Variants in SLIT3 observed in about 807,000 individuals in gnomAD.
SLIT3 encodes slit guidance ligand 3.
SLIT3 carries 68 observed loss-of-function variants against 184.0 expected under a neutral mutation model. That is an observed-to-expected ratio of 0.37 (90% CI 0.30 to 0.45). The LOEUF is 0.45. SLIT3 is among the 20% of genes least tolerant of loss of function. The pLI is 1.00. For synonymous variants in SLIT3, 831 were observed against 828.6 expected, an observed-to-expected ratio of 1.00 and a Z score of -0.05; for missense variants, 1,707 against 2,026.0, an observed-to-expected ratio of 0.84 and a Z score of 3.02.
chr5:169,294,278 A>G (rs915241194), intron 1 of SLIT3, among the ~76,000 whole-genome samples: 3 of 150,122 alleles, frequency 2.0e-5, no homozygotes, highest in Non-Finnish European at 4.4e-5. Flanking sequence ...AAAAAAAGTC[A>G]GGGCCAAAAA....
At position 168,665,056 on chromosome 5, in the gene SLIT3, T is replaced by G. The variant is rs1760992032; in HGVS notation, c.*1398A>C. The G allele has an allele frequency of 6.6e-6, 1 of 152,270 alleles. No individual in the cohort carries two copies. The highest frequency in any genetic ancestry group is 2.1e-4 in the South Asian group (1 of 4,838). 9.4% of individuals were successfully genotyped at this position (152,270 alleles called of 1,614,324 possible). A position where few individuals can be genotyped will look rare whatever the true frequency, so the allele number is the denominator to read the frequency against. ...ATGGATTTAAGCCGCCTGAATCACC[T>G]GTGCTCACCCATTCTAGAGGAAGAA... On this transcript the variant is annotated 3_prime_UTR_variant, in exon 36 of 36. Transcript: ENST00000519560.
In SLIT3 at chr5:168,670,211, G is replaced by A. The variant is rs973667884; in HGVS notation, c.4128-220C>T. 3.9e-5 allele frequency among the ~76,000 whole-genome samples: 6 copies of A among 152,242 alleles called. No homozygotes were observed. The East Asian group carries it at 1.2e-3, about 29-fold the overall frequency. On this transcript the variant is annotated intron_variant, in intron 34 of 35. Transcript: ENST00000519560. ...TGTCACCCAGTGTCCACTGTGAGCT[G>A]TGACCACAGCAGAGGCTGGCTTGCT...
chr5:169,132,168 C>T (rs924370422), intron 4 of SLIT3, among the ~76,000 whole-genome samples: 9 of 151,896 alleles, frequency 5.9e-5, no homozygotes, highest in Non-Finnish European at 1.2e-4. Flanking sequence ...TGGACGATAA[C>T]GGGGTAAAGA....
chr5:169,227,707 C>T (rs1350692765), intron 3 of SLIT3, among the ~76,000 whole-genome samples: 3 of 152,188 alleles, frequency 2.0e-5, no homozygotes, highest in African/African-American at 4.8e-5. Context: ...ATTACAAGCA[C>T]GTGCCACCGC....
chr5:169,053,243 A>T (rs947771958), intron 4 of SLIT3, among the ~76,000 whole-genome samples: 6 of 152,244 alleles, frequency 3.9e-5, no homozygotes, highest in African/African-American at 1.4e-4. Context: ...TGAGGCTGGG[A>T]AAACAGGTTT....
At chr5:169,029,215 T>C (rs1028894932) in intron 4 of SLIT3, among the ~76,000 whole-genome samples, 4 of 152,202 alleles carry the variant, frequency 2.6e-5, no homozygotes, top group Non-Finnish European at 4.4e-5. Context: ...AAACAGTAGG[T>C]ATTTGTTGAA....
chr5:168,781,447 A>G (rs1367716390), intron 12 of SLIT3, among the ~76,000 whole-genome samples: 2 of 152,130 alleles, frequency 1.3e-5, no homozygotes, highest in East Asian at 1.9e-4. Flanking sequence ...AGTCTACCCA[A>G]TGGCTTTCCA....
intron 3 of SLIT3, among the ~76,000 whole-genome samples, chr5:169,193,989 T>C (rs970483436): frequency 6.6e-6 from 1 of 151,906 alleles, no homozygotes; most frequent in Non-Finnish European, 1.5e-5. Flanking sequence ...ATCCCAGTAC[T>C]TTGAGAGGCT....
chr5:168,728,277 C>CATAT (rs3061738), intron 20 of SLIT3, among the ~76,000 whole-genome samples: 4,981 of 140,912 alleles, frequency 0.035, 100 homozygotes, highest in East Asian at 0.054. Context: ...TAATCAACAA[C>CATAT]ATATATATAT....
Position 168,785,918 on chromosome 5 carries a change from G to T in SLIT3, c.1140C>A (p.Ser380=). 1 of 1,612,070 alleles carries T rather than the reference G, an allele frequency of 6.2e-7. No homozygotes were observed. Among genetic ancestry groups the T allele is most frequent in the Non-Finnish European group, 8.5e-7 (1 of 1,178,466 alleles). ...AAGTTCCTACTCACAGCAGCTGTAG[G>T]GACACCAGCCCATCAAACAGTCCCT... ...IVKGLFDGLV[S]LQLLLLNANK... The change falls in exon 12 of 36, where the codon TCC becomes TCA. Residue 380 remains serine, a synonymous_variant. Coordinates refer to ENST00000519560, the MANE Select transcript of SLIT3 (RefSeq NM_003062.4).
At chr5:169,045,273 G>A (rs1757588299) in intron 4 of SLIT3, among the ~76,000 whole-genome samples, 1 of 152,030 alleles carries the variant, frequency 6.6e-6, no homozygotes, top group Admixed American at 6.6e-5. Context: ...AACCCTAAAC[G>A]TGCAACTTGG....
intron 4 of SLIT3, among the ~76,000 whole-genome samples, chr5:169,061,049 T>A (rs1002029200): frequency 6.6e-6 from 1 of 152,184 alleles, no homozygotes; most frequent in Non-Finnish European, 1.5e-5. Flanking sequence ...TTGCAAAGCA[T>A]GAATATAAAT....
Position 168,747,797 on chromosome 5 carries a change from G to T in SLIT3, c.2270+505C>A, listed in dbSNP as rs1467450947. 4.6e-5 allele frequency among the ~76,000 whole-genome samples: 7 copies of T among 152,234 alleles called. No homozygotes were observed. In the South Asian group the frequency reaches 1.5e-3, roughly 32 times the overall value. On this transcript the variant is annotated intron_variant, in intron 20 of 35. Coordinates refer to ENST00000519560, the MANE Select transcript of SLIT3 (RefSeq NM_003062.4). ...GAGAATGAATGGGACTCAGAGCTAA[G>T]ACCTCATCTGTAAAATGGGGCCGCA...
chr5:168,948,527 G>A (rs562268321), intron 4 of SLIT3, among the ~76,000 whole-genome samples: 3 of 152,306 alleles, frequency 2.0e-5, no homozygotes, highest in Admixed American at 2.0e-4. Flanking sequence ...TCCTTCTGAG[G>A]CAGGTGTAAG....
chr5:168,862,817 G>A (rs1759159176), intron 5 of SLIT3, among the ~76,000 whole-genome samples: 1 of 152,140 alleles, frequency 6.6e-6, no homozygotes, highest in African/African-American at 2.4e-5. Context: ...TGGGACTACA[G>A]GCACCCACCA....
At chr5:168,882,289 C>T (rs958842362) in intron 5 of SLIT3, among the ~76,000 whole-genome samples, 3 of 152,200 alleles carry the variant, frequency 2.0e-5, no homozygotes, top group African/African-American at 7.2e-5. Flanking sequence ...TCTCCAAAAG[C>T]ATGTTCCGAC....
chr5:169,194,335 T>A (rs1442632324), intron 3 of SLIT3, among the ~76,000 whole-genome samples: 11 of 146,980 alleles, frequency 7.5e-5, no homozygotes, highest in Non-Finnish European at 3.0e-5. Flanking sequence ...TGGGAGCAGA[T>A]AGTAGTTGCT....
intron 4 of SLIT3, among the ~76,000 whole-genome samples, chr5:168,945,937 G>A (rs1164532498): frequency 2.0e-5 from 3 of 152,220 alleles, no homozygotes; most frequent in Admixed American, 2.0e-4. Context: ...TTTCCTCCCA[G>A]GCTATGAACT....
intron 4 of SLIT3, among the ~76,000 whole-genome samples, chr5:168,916,116 A>G (rs1448750671): frequency 6.6e-6 from 1 of 152,112 alleles, no homozygotes; most frequent in East Asian, 1.9e-4. Flanking sequence ...TGGCAAAATC[A>G]CCACCACCAC....
Sources: allele counts gnomAD v4.1 joint callset (sites outside exome capture counted in the v4.1 genomes callset), GRCh38; gene constraint gnomAD v4.1.1; transcripts MANE v1.5; gene names NCBI Gene and HGNC (gene_info 2026-07-23, HGNC 2026-07-21).